The following NBPF11 variants were observed in gnomAD, a reference collection of about 807,000 sequenced individuals.
NBPF11 encodes the protein NBPF family member NBPF11.
In NBPF11, 72 loss-of-function variants were observed where a neutral mutation model predicts 93.9. The ratio of observed to expected loss-of-function variants is 0.77; its 90% CI spans 0.63 to 0.93. The LOEUF (loss-of-function observed/expected upper bound fraction) is 0.93. Ranked by LOEUF, NBPF11 falls within the 40% of genes least tolerant of loss-of-function variation. The pLI is 0.00. For synonymous variants in NBPF11, 224 were observed against 304.9 expected (o/e 0.73, Z 2.76); for missense variants, 705 against 802.2 (o/e 0.88, Z 1.46).
At chr1:148,126,279 G>C (rs1300194540) in intron 5 of NBPF11, among the ~76,000 whole-genome samples, 1 of 151,972 alleles carries the variant, frequency 6.6e-6, no homozygotes, top group Non-Finnish European at 1.5e-5. Context: ...GATTACAGGA[G>C]TGAGCCACGT....
intron 4 of NBPF11, chr1:148,135,397 T>C (rs1671115973): frequency 3.2e-6 from 1 of 315,962 alleles, no homozygotes; most frequent in Non-Finnish European, 5.9e-6. Context: ...TATTATAAAT[T>C]GTATCATCTT....
rs1235527057 is a variant in NBPF11, at chr1:148,103,708, G to A, written c.*188C>T. 1.2e-6 allele frequency: 2 copies of A among 1,611,254 alleles called. No homozygotes were observed. Among genetic ancestry groups the A allele is most frequent in the African/African-American group, 1.3e-5 (1 of 74,730 alleles). On this transcript the variant is annotated 3_prime_UTR_variant, in exon 24 of 24. Transcript: ENST00000682118. ...TGACTCCCATCTGGAAGACCAGGTG[G>A]AGACTTCTCACCGTCAAAGTAAAAA...
chr1:148,146,781 C>A, intron 1 of NBPF11: 2 of 1,613,356 alleles, frequency 1.2e-6, no homozygotes, highest in South Asian at 1.1e-5. Context: ...AGATGAGCAG[C>A]TTCTACATTG....
chr1:148,125,297 C>T (rs1553272816), intron 5 of NBPF11, among the ~76,000 whole-genome samples: 2,104 of 151,928 alleles, frequency 0.014, 63 homozygotes, highest in African/African-American at 0.042. Flanking sequence ...ACTCTGAATG[C>T]GGGGCCACTT....
At chr1:148,138,023 T>G (rs1270511400) in intron 2 of NBPF11, among the ~76,000 whole-genome samples, 11 of 150,312 alleles carry the variant, frequency 7.3e-5, no homozygotes, top group Non-Finnish European at 1.5e-4. Context: ...TGATCATTAT[T>G]GGGCGTTTCC....
rs1359687451 is a variant in NBPF11 at position 148,122,369 on chromosome 1, C to G, written c.567-103G>C. 5.7e-6 allele frequency: 9 copies of G among 1,571,944 alleles called. No individual in the cohort carries two copies. The African/African-American group carries it at 6.8e-5, about 12-fold the overall frequency. On this transcript the variant is annotated intron_variant, in intron 8 of 23. Coordinates refer to ENST00000682118, the MANE Select transcript of NBPF11 (RefSeq NM_001385469.3). ...TGACAAGCGGCATTAAGAGAGTGGT[C>G]CCAGAAAACAAATGGAGGTTCCCTT...
intron 20 of NBPF11, among the ~76,000 whole-genome samples, chr1:148,106,709 G>A (rs1298158483): frequency 1.3e-5 from 2 of 148,708 alleles, no homozygotes; most frequent in Non-Finnish European, 1.5e-5. Context: ...CTGAGAGTGG[G>A]CTCAGGTTGC....
intron 20 of NBPF11, among the ~76,000 whole-genome samples, 200 bp downstream of exon 20, chr1:148,106,742 G>T (rs1227658962): frequency 6.7e-6 from 1 of 148,630 alleles, no homozygotes; most frequent in Non-Finnish European, 1.5e-5. Flanking sequence ...TGGAGACTAG[G>T]AATAGAGCCT....
chr1:148,146,415 T>C (rs1673087401), intron 1 of NBPF11: 2 of 1,601,332 alleles, frequency 1.2e-6, no homozygotes, highest in African/African-American at 1.3e-5. Flanking sequence ...TGTCGCTGAG[T>C]GAGCTCTGCT....
intron 4 of NBPF11, among the ~76,000 whole-genome samples, chr1:148,131,465 T>C (rs1449125066): frequency 6.6e-6 from 1 of 151,722 alleles, no homozygotes; most frequent in Non-Finnish European, 1.5e-5. Context: ...TAACTGAGGT[T>C]CCAGAGGAAG....
chr1:148,134,698 C>A (rs1474111458), intron 4 of NBPF11, among the ~76,000 whole-genome samples: 2 of 151,802 alleles, frequency 1.3e-5, no homozygotes, highest in Admixed American at 6.6e-5. Context: ...TTATTTCATG[C>A]CTTTCTAATT....
intron 5 of NBPF11, among the ~76,000 whole-genome samples, chr1:148,126,033 C>T (rs2149249882): frequency 6.6e-6 from 1 of 151,976 alleles, no homozygotes; most frequent in Admixed American, 6.5e-5. Flanking sequence ...ACGAGTCTTG[C>T]CCTGTCACCC....
rs1571400267 is a variant in NBPF11 at position 148,103,505 on chromosome 1, G to C, written c.*391C>G. The C allele has an allele frequency of 1.5e-6, 2 of 1,316,128 alleles. No individual in the cohort carries two copies. The highest frequency in any genetic ancestry group is 2.0e-5 in the Admixed American group (1 of 50,790). 81.5% of individuals were successfully genotyped at this position (1,316,128 alleles called of 1,614,324 possible). A position where few individuals can be genotyped will look rare whatever the true frequency, so the allele number is the denominator to read the frequency against. On this transcript the variant is annotated 3_prime_UTR_variant, in exon 24 of 24. Coordinates refer to ENST00000682118, the MANE Select transcript of NBPF11 (RefSeq NM_001385469.3). ...AACGTGGGTCCATTGTCTTCAGACT[G>C]AGCACAGGTTGCCACTGGCATGCTC...
intron 9 of NBPF11, 80 bp from the exon 10 acceptor site, chr1:148,120,790 A>C (rs1667640269): frequency 9.7e-7 from 1 of 1,027,952 alleles, no homozygotes; most frequent in Non-Finnish European, 1.5e-6. Context: ...GAGGGATGTC[A>C]CTGGTAGCCT....
intron 3 of NBPF11, among the ~76,000 whole-genome samples, chr1:148,136,530 A>AATAT (rs1245019434): frequency 1.3e-5 from 2 of 151,190 alleles, no homozygotes; most frequent in African/African-American, 4.9e-5. Context: ...AAAAATGATA[A>AATAT]ATAATAATGG....
chr1:148,131,337 C>T (rs1670302611), intron 4 of NBPF11, among the ~76,000 whole-genome samples: 1 of 151,434 alleles, frequency 6.6e-6, no homozygotes, highest in South Asian at 2.1e-4. Flanking sequence ...GAAGAAACTC[C>T]CCAGGCCTCC....
rs1223224572 is a variant in NBPF11, at chr1:148,133,980, C to T, written c.-36+1692G>A. 5.3e-5 allele frequency among the ~76,000 whole-genome samples: 8 copies of T among 151,948 alleles called. No homozygotes were observed. The South Asian group carries it at 6.3e-4, about 12-fold the overall frequency. On this transcript the variant is annotated intron_variant, in intron 4 of 23. Transcript: ENST00000682118. ...CCCTGCCTCTCAAGGAAATCCCTCC[C>T]GCCTTGTCTCTAGACAGCCAAGTCC...
chr1:148,138,333 T>C (rs1189479914), intron 2 of NBPF11, among the ~76,000 whole-genome samples: 1 of 151,290 alleles, frequency 6.6e-6, no homozygotes, highest in Admixed American at 6.6e-5. Context: ...TTATCTCAAC[T>C]GCAAAGAGGC....
intron 2 of NBPF11, among the ~76,000 whole-genome samples, chr1:148,142,026 AAGGGAGGGAGGAAGGAAGGC>A (rs1553276218): frequency 1.5e-5 from 2 of 134,808 alleles, no homozygotes; most frequent in East Asian, 5.4e-4. Flanking sequence ...GGAAGGAAGG[AAGGGAGGGAGGAAGGAAGGC>A]AGGGAGGGAG....
Sources: gnomAD v4.1 joint callset for allele counts (sites outside exome capture counted in the v4.1 genomes callset) on GRCh38, gnomAD v4.1.1 for gene constraint, MANE v1.5 for transcripts, NCBI Gene and HGNC (gene_info 2026-07-23, HGNC 2026-07-21) for gene names.